FKBP5: variants seen among roughly 807,000 people sequenced by gnomAD.
The protein encoded by FKBP5 is FKBP prolyl isomerase 5, also known as peptidyl-prolyl cis-trans isomerase FKBP5.
FKBP5 carries 23 observed loss-of-function variants against 50.5 expected under a neutral mutation model. The ratio of observed to expected loss-of-function variants is 0.46; its 90% CI spans 0.33 to 0.65. The LOEUF (loss-of-function observed/expected upper bound fraction) is 0.65. Among genes scored for constraint, FKBP5 ranks in the 30% least tolerant of loss-of-function variants. The probability of loss-of-function intolerance (pLI) is 0.02; values close to 1 mark genes in which losing one functional copy is unlikely to be tolerated. For missense variants in FKBP5, 411 were observed against 553.1 expected (o/e 0.74, Z 2.58); for synonymous variants, 176 against 190.6 (o/e 0.92, Z 0.63).
rs532440505 is a variant in FKBP5, at chr6:35,682,779, G to C, written c.-20+6025C>G. Among the ~76,000 whole-genome samples, 69 of 151,864 alleles carry C rather than the reference G, an allele frequency of 4.5e-4. 2 individuals carry two copies. The South Asian group carries it at 0.014, about 31-fold the overall frequency. ...ATTTTTAAGCCAGGCATGGTGGCTT[G>C]GGCCTGGGATCCCAGCACTTTGGGA... is the stretch of plus-strand genomic sequence containing the variant. On this transcript the variant is annotated intron_variant, in intron 1 of 10. Transcript: ENST00000357266.
chr6:35,599,092 T>C (rs1581800343), intron 5 of FKBP5, among the ~76,000 whole-genome samples: 1 of 83,350 alleles, frequency 1.2e-5, no homozygotes, highest in East Asian at 3.2e-4. Flanking sequence ...GCTTCTTTTC[T>C]AACACTGGCT....
intron 1 of FKBP5, among the ~76,000 whole-genome samples, chr6:35,688,455 C>T (rs1390197188): frequency 2.0e-5 from 3 of 151,888 alleles, no homozygotes; most frequent in Non-Finnish European, 4.4e-5. Flanking sequence ...AAACAAAAGC[C>T]CAGTGAGGAC....
intron 8 of FKBP5, chr6:35,585,558 C>T: frequency 1.0e-6 from 1 of 985,234 alleles, no homozygotes; most frequent in Non-Finnish European, 1.2e-6. Flanking sequence ...GCCCATTTTT[C>T]CCAATTCTGA....
intron 5 of FKBP5, among the ~76,000 whole-genome samples, chr6:35,612,219 C>T (rs1436053233): frequency 1.3e-5 from 2 of 152,010 alleles, no homozygotes; most frequent in Non-Finnish European, 1.5e-5. Flanking sequence ...GACGAAACCC[C>T]GTCTTTGCTA....
chr6:35,590,439 T>C (rs887783160), intron 7 of FKBP5, among the ~76,000 whole-genome samples: 1 of 152,182 alleles, frequency 6.6e-6, no homozygotes, highest in Non-Finnish European at 1.5e-5. Flanking sequence ...GACAACAGCA[T>C]ACCTAGCTCA....
intron 6 of FKBP5, 123 bp downstream of exon 6, chr6:35,597,125 T>A (rs189690770): frequency 9.7e-7 from 1 of 1,028,696 alleles, no homozygotes; most frequent in East Asian, 2.4e-5. Context: ...AACTGCAGCC[T>A]GATTTAATTG....
chr6:35,583,301 GA>G (rs1191893205), intron 8 of FKBP5: 1 of 985,222 alleles, frequency 1.0e-6, no homozygotes, highest in Admixed American at 6.2e-5. Flanking sequence ...TATAGGGAAA[GA>G]AAAGAAGAGC....
At chr6:35,611,767 C>T (rs879800861) in intron 5 of FKBP5, among the ~76,000 whole-genome samples, 2 of 152,148 alleles carry the variant, frequency 1.3e-5, no homozygotes, top group African/African-American at 4.8e-5. Context: ...ATTCTAAAAA[C>T]TGATTTGTAA....
upstream of FKBP5, chr6:35,688,968 C>A (rs1291706050): frequency 6.6e-6 from 1 of 151,588 alleles, no homozygotes; most frequent in African/African-American, 2.4e-5. Context: ...GGCGCCGTCC[C>A]GCCCCAGCCG....
intron 1 of FKBP5, among the ~76,000 whole-genome samples, chr6:35,666,714 C>T (rs997590469): frequency 7.9e-5 from 12 of 151,914 alleles, no homozygotes; most frequent in Non-Finnish European, 1.2e-4. Flanking sequence ...CACAGTGAAA[C>T]CCCGTCTCTA....
intron 3 of FKBP5, among the ~76,000 whole-genome samples, chr6:35,630,419 T>C (rs1456996095): frequency 2.0e-5 from 3 of 151,942 alleles, no homozygotes; most frequent in East Asian, 3.9e-4. Flanking sequence ...TGGTGGTGCA[T>C]GCCTGTAATC....
At chr6:35,726,662 A>G (rs997157658) in intron 1 of FKBP5, among the ~76,000 whole-genome samples, 3 of 151,656 alleles carry the variant, frequency 2.0e-5, no homozygotes, top group African/African-American at 7.3e-5. Flanking sequence ...GAGTCCCTAT[A>G]GCTATTACAC....
At chr6:35,678,515 T>G (rs1765583235) in intron 1 of FKBP5, among the ~76,000 whole-genome samples, 1 of 152,206 alleles carries the variant, frequency 6.6e-6, no homozygotes, top group Admixed American at 6.5e-5. Context: ...AGTACCTTAT[T>G]CTACAGATAC....
intron 1 of FKBP5, among the ~76,000 whole-genome samples, chr6:35,676,645 T>A (rs978506483): frequency 1.3e-4 from 20 of 152,374 alleles, no homozygotes; most frequent in African/African-American, 4.8e-4. Flanking sequence ...AATCCCTATA[T>A]TATCTGTAGT....
At chr6:35,676,766 G>C (rs1228552253) in intron 1 of FKBP5, among the ~76,000 whole-genome samples, 3 of 152,142 alleles carry the variant, frequency 2.0e-5, no homozygotes, top group African/African-American at 4.8e-5. Context: ...TTTGTACCAG[G>C]AGGAAATTTT....
At chr6:35,649,433 G>T (rs200013569) in intron 1 of FKBP5, among the ~76,000 whole-genome samples, 7 of 147,414 alleles carry the variant, frequency 4.7e-5, no homozygotes, top group East Asian at 2.0e-4. Context: ...TGGCTAAAAG[G>T]TTTTTTTTTT....
chr6:35,635,425 C>T (rs116022819), intron 3 of FKBP5, among the ~76,000 whole-genome samples: 3,032 of 151,624 alleles, frequency 0.02, 83 homozygotes, highest in African/African-American at 0.062. Flanking sequence ...TGAGCCGGCC[C>T]GGGTGACAGA....
At chr6:35,600,042 A>G (rs1374764585) in intron 5 of FKBP5, among the ~76,000 whole-genome samples, 1 of 152,204 alleles carries the variant, frequency 6.6e-6, no homozygotes, top group African/African-American at 2.4e-5. Context: ...TAGGCTATAA[A>G]TCTGTATAGC....
intron 2 of FKBP5, among the ~76,000 whole-genome samples, chr6:35,716,561 T>G (rs1171909525): frequency 1.3e-5 from 2 of 151,986 alleles, no homozygotes; most frequent in East Asian, 3.9e-4. Flanking sequence ...TAGAAGACAG[T>G]TACCGTGTCT....
Sources: allele counts gnomAD v4.1 joint callset (sites outside exome capture counted in the v4.1 genomes callset), GRCh38; gene constraint gnomAD v4.1.1; transcripts MANE v1.5; gene names NCBI Gene and HGNC (gene_info 2026-07-23, HGNC 2026-07-21).